GRIP1: variants seen among roughly 807,000 people sequenced by gnomAD.
GRIP1 encodes glutamate receptor-interacting protein 1.
Under a neutral mutation model 129.9 loss-of-function variants are expected in GRIP1, and 45 were observed. That is an observed-to-expected ratio of 0.35 (90% CI 0.27 to 0.44). The LOEUF (loss-of-function observed/expected upper bound fraction) is 0.44, where lower values mean the gene tolerates loss of function less well. Ranked by LOEUF, GRIP1 falls within the 20% of genes least tolerant of loss-of-function variation. The pLI, the probability that GRIP1 is intolerant of heterozygous loss-of-function variation, is 1.00. For missense variants in GRIP1, 1,196 were observed against 1,396.8 expected, an observed-to-expected ratio of 0.86 and a Z score of 2.29; for synonymous variants, 530 against 520.8, an observed-to-expected ratio of 1.02 and a Z score of -0.24.
intron 1 of GRIP1, among the ~76,000 whole-genome samples, chr12:66,703,779 G>A (rs977744480): frequency 6.6e-6 from 1 of 152,040 alleles, no homozygotes; most frequent in Admixed American, 6.6e-5. Flanking sequence ...AGAGCCATGG[G>A]TTGGGTGACA....
chr12:66,529,749 A>G, intron 5 of GRIP1, 82 bp downstream of exon 5: 1 of 843,548 alleles, frequency 1.2e-6, no homozygotes, highest in Non-Finnish European at 2.1e-6. Flanking sequence ...TATTCATGTA[A>G]CCAAATACCC....
intron 1 of GRIP1, among the ~76,000 whole-genome samples, chr12:66,697,429 T>C (rs1565973705): frequency 6.6e-6 from 1 of 152,136 alleles, no homozygotes; most frequent in Non-Finnish European, 1.5e-5. Context: ...ACACAGCTGT[T>C]ACACCTTTAA....
chr12:66,451,572 TTTTTC>T (rs2138192282), intron 11 of GRIP1, among the ~76,000 whole-genome samples: 1 of 151,942 alleles, frequency 6.6e-6, no homozygotes, highest in East Asian at 1.9e-4. Context: ...CCTGGTTGAT[TTTTTC>T]TTTTCTCTTT....
chr12:66,649,840 G>C (rs1451542775), intron 1 of GRIP1, among the ~76,000 whole-genome samples: 1 of 152,216 alleles, frequency 6.6e-6, no homozygotes, highest in African/African-American at 2.4e-5. Flanking sequence ...TATGGATGTA[G>C]GAATATATCA....
rs185354162 is a variant in GRIP1, at chr12:66,611,150, T to C, written c.56-14223A>G. On this transcript the variant is annotated intron_variant, in intron 1 of 24. Transcript: ENST00000359742. ...GTATTGCTCAAAATAAGTAAAAGCA[T>C]TTGTGCATTACCTGAATATCATCAC... is the stretch of plus-strand genomic sequence containing the variant. 2.0e-5 allele frequency among the ~76,000 whole-genome samples: 3 copies of C among 152,296 alleles called. No individual in the cohort carries two copies. The East Asian group carries it at 5.8e-4, about 29-fold the overall frequency.
At chr12:66,736,852 T>C (rs2036618240) in intron 1 of GRIP1, among the ~76,000 whole-genome samples, 1 of 152,074 alleles carries the variant, frequency 6.6e-6, no homozygotes, top group Admixed American at 6.6e-5. Context: ...TATGACATTT[T>C]CTGGAAAAGT....
intron 1 of GRIP1, among the ~76,000 whole-genome samples, chr12:66,877,333 T>C (rs758999809): frequency 6.6e-6 from 1 of 152,142 alleles, no homozygotes; most frequent in Non-Finnish European, 1.5e-5. Flanking sequence ...TGTTAAACTA[T>C]TGATTTTTGA....
rs10719369 is a variant in GRIP1 at position 66,551,571 on chromosome 12, C to CTTT, written c.137-9624_137-9622dup. On this transcript the variant is annotated intron_variant, in intron 2 of 24. Coordinates refer to ENST00000359742, the MANE Select transcript of GRIP1 (RefSeq NM_001366722.1). ...TTTGGGTGTCCTTTTGGCTAGAATCCTTTTTTTTTTTTTTTTTTTTGAGAC... is the reference window on the plus strand; with the variant it reads ...TTTGGGTGTCCTTTTGGCTAGAATCCTTTTTTTTTTTTTTTTTTTTTTTGAGAC... Among the ~76,000 whole-genome samples the CTTT allele has an allele frequency of 9.8e-4, 112 of 114,428 alleles. 2 individuals carry two copies. The highest frequency in any genetic ancestry group is 9.6e-4 in the African/African-American group (29 of 30,186). The allele number at this position is 114,428 out of a possible 152,430, so 75.1% of individuals were successfully genotyped here.
chr12:66,623,327 A>G (rs2065356251), intron 1 of GRIP1, among the ~76,000 whole-genome samples: 1 of 152,220 alleles, frequency 6.6e-6, no homozygotes, highest in Non-Finnish European at 1.5e-5. Flanking sequence ...CAATAACTTG[A>G]TAAGGCATTC....
intron 2 of GRIP1, among the ~76,000 whole-genome samples, chr12:66,590,188 G>C (rs1462094752): frequency 3.3e-5 from 5 of 152,094 alleles, no homozygotes; most frequent in Non-Finnish European, 5.9e-5. Flanking sequence ...GTGACAAAGG[G>C]GTACCCAAAC....
intron 1 of GRIP1, among the ~76,000 whole-genome samples, chr12:66,757,486 C>CAAAG (rs2037332790): frequency 6.6e-6 from 1 of 152,112 alleles, no homozygotes; most frequent in Non-Finnish European, 1.5e-5. Flanking sequence ...TGCTGATGAA[C>CAAAG]AAAGGTTCAT....
chr12:67,031,926 C>T (rs942590999), intron 1 of GRIP1, among the ~76,000 whole-genome samples: 1 of 152,126 alleles, frequency 6.6e-6, no homozygotes, highest in African/African-American at 2.4e-5. Flanking sequence ...ATTAAAGACT[C>T]CAAACATACC....
At chr12:66,558,438 C>A (rs905990622) in intron 2 of GRIP1, among the ~76,000 whole-genome samples, 3 of 152,182 alleles carry the variant, frequency 2.0e-5, no homozygotes, top group Non-Finnish European at 2.9e-5. Flanking sequence ...TTATCTCCCA[C>A]TGGGTCCCTC....
chr12:66,850,080 G>T (rs1395442941), intron 1 of GRIP1, among the ~76,000 whole-genome samples: 2 of 152,076 alleles, frequency 1.3e-5, no homozygotes, highest in Non-Finnish European at 2.9e-5. Context: ...ATAACCCAGA[G>T]CACATATAGC....
At chr12:66,508,331 C>A (rs558976683) in intron 7 of GRIP1, among the ~76,000 whole-genome samples, 2 of 152,208 alleles carry the variant, frequency 1.3e-5, no homozygotes, top group Admixed American at 1.3e-4. Flanking sequence ...GTGAGGGCTC[C>A]ACATTAGGTG....
At chr12:67,041,224 TTATA>T (rs1426570394) in intron 1 of GRIP1, among the ~76,000 whole-genome samples, 2 of 151,938 alleles carry the variant, frequency 1.3e-5, no homozygotes, top group African/African-American at 4.8e-5. Context: ...CATATGTGTA[TTATA>T]TATACATGTA....
intron 15 of GRIP1, among the ~76,000 whole-genome samples, chr12:66,418,686 G>A (rs1474134927): frequency 6.6e-6 from 1 of 152,102 alleles, no homozygotes; most frequent in African/African-American, 2.4e-5. Context: ...ACAGGCATAA[G>A]AAAAGATGCT....
intron 1 of GRIP1, among the ~76,000 whole-genome samples, chr12:66,878,081 T>A (rs1463378243): frequency 1.3e-5 from 2 of 152,080 alleles, no homozygotes; most frequent in East Asian, 3.9e-4. Flanking sequence ...ATGGCTGTTC[T>A]GAAGTCCCTT....
At chr12:66,558,775 C>T (rs1039498784) in intron 2 of GRIP1, among the ~76,000 whole-genome samples, 1 of 145,212 alleles carries the variant, frequency 6.9e-6, no homozygotes, top group Admixed American at 7.0e-5. Flanking sequence ...TAATGCCAAT[C>T]CTGCTCAAAC....
Sources: allele counts gnomAD v4.1 joint callset (sites outside exome capture counted in the v4.1 genomes callset), GRCh38; gene constraint gnomAD v4.1.1; transcripts MANE v1.5; gene names NCBI Gene and HGNC (gene_info 2026-07-23, HGNC 2026-07-21).